Variants in BTAF1 observed in about 807,000 individuals in gnomAD.
BTAF1 encodes the protein B-TFIID TATA-box binding protein associated factor 1.
A neutral mutation model predicts 227.1 loss-of-function variants in BTAF1; 38 were observed. The observed-to-expected ratio is 0.17, with a 90% CI of 0.13 to 0.22. BTAF1 has a LOEUF of 0.22. Ranked by LOEUF, BTAF1 falls within the 10% of genes least tolerant of loss-of-function variation. The pLI is 1.00. For missense variants in BTAF1, 1,598 were observed against 2,204.0 expected (o/e 0.73, Z 5.51); for synonymous variants, 742 against 751.9 (o/e 0.99, Z 0.21).
intron 3 of BTAF1, among the ~76,000 whole-genome samples, chr10:91,940,448 TTA>T (rs1024343386): frequency 2.6e-5 from 4 of 152,054 alleles, no homozygotes; most frequent in Non-Finnish European, 4.4e-5. Flanking sequence ...TTAAGCACAA[TTA>T]TATATGGATA....
intron 14 of BTAF1, among the ~76,000 whole-genome samples, chr10:91,971,568 G>A (rs1405004673): frequency 6.6e-6 from 1 of 150,558 alleles, no homozygotes; most frequent in Non-Finnish European, 1.5e-5. Context: ...TGCCTCCCGG[G>A]TTCAAACGAT....
At chr10:92,003,878 G>A (rs566787277) in intron 25 of BTAF1, among the ~76,000 whole-genome samples, 1 of 152,110 alleles carries the variant, frequency 6.6e-6, no homozygotes, top group South Asian at 2.1e-4. Flanking sequence ...AATACGCAAG[G>A]GTTCCTGTTT....
chr10:91,942,321 T>TGTGTGTGTGTGTGTGTGTGTGTAA, intron 3 of BTAF1, 101 bp from the exon 4 acceptor site: 1 of 803,918 alleles, frequency 1.2e-6, no homozygotes, highest in East Asian at 2.7e-5. Context: ...TGTGTGTGTG[T>TGTGTGTGTGTGTGTGTGTGTGTAA]GTGTGTGTGT....
chr10:91,979,660 A>G (rs1847940150), intron 14 of BTAF1, among the ~76,000 whole-genome samples: 1 of 152,172 alleles, frequency 6.6e-6, no homozygotes, highest in Admixed American at 6.6e-5. Context: ...TCTGATGGAC[A>G]TTTCTATCCA....
At chr10:91,974,716 G>T (rs536173784) in intron 14 of BTAF1, among the ~76,000 whole-genome samples, 1 of 152,106 alleles carries the variant, frequency 6.6e-6, no homozygotes, top group Non-Finnish European at 1.5e-5. Context: ...GCCAGGAGTC[G>T]TGGTGGGTGC....
intron 9 of BTAF1, chr10:91,959,407 A>G: frequency 1.7e-6 from 1 of 597,400 alleles, no homozygotes. Flanking sequence ...TAGATATATG[A>G]CCGGTGTGCT....
At chr10:92,013,627 T>C (rs755339896) in intron 30 of BTAF1, 40 bp from the exon 31 acceptor site, 7 of 1,613,042 alleles carry the variant, frequency 4.3e-6, no homozygotes, top group Non-Finnish European at 4.2e-6. Context: ...TGTAAGGAAA[T>C]AATCCCAGTA....
chr10:91,942,604 G>GT, intron 4 of BTAF1, 36 bp downstream of exon 4: 1 of 1,606,046 alleles, frequency 6.2e-7, no homozygotes, highest in Non-Finnish European at 8.5e-7. Context: ...TCTAAAATTT[G>GT]TTTTTTCAGA....
intron 2 of BTAF1, 92 bp downstream of exon 2, chr10:91,935,872 T>G: frequency 8.4e-7 from 1 of 1,192,442 alleles, no homozygotes; most frequent in Non-Finnish European, 1.1e-6. Flanking sequence ...ATCATCTTAA[T>G]TTTTAAACAT....
intron 37 of BTAF1, among the ~76,000 whole-genome samples, chr10:92,027,625 T>G (rs753892379): frequency 1.3e-4 from 20 of 152,170 alleles, no homozygotes; most frequent in Non-Finnish European, 2.5e-4. Flanking sequence ...CTGGTTACCT[T>G]AGGCAGATTA....
At chr10:91,963,344 G>A (rs1008439502) in intron 12 of BTAF1, among the ~76,000 whole-genome samples, 5 of 152,018 alleles carry the variant, frequency 3.3e-5, no homozygotes, top group South Asian at 2.1e-4. Flanking sequence ...GCGTGAACCC[G>A]GGAGGCAGAG....
chr10:91,969,390 T>C (rs986913148), intron 14 of BTAF1, among the ~76,000 whole-genome samples: 8 of 152,220 alleles, frequency 5.3e-5, no homozygotes, highest in African/African-American at 1.9e-4. Flanking sequence ...ATCATCATTT[T>C]AAAGTATATT....
intron 20 of BTAF1, among the ~76,000 whole-genome samples, chr10:91,991,265 AATATAAATATATAT>A (rs1284100275): frequency 2.2e-5 from 2 of 90,090 alleles, no homozygotes; most frequent in Admixed American, 1.5e-4. Flanking sequence ...TATAAATATA[AATATAAATATATAT>A]ATATATATAT....
chr10:91,948,882 A>G (rs1255426640), intron 4 of BTAF1, among the ~76,000 whole-genome samples: 1 of 152,084 alleles, frequency 6.6e-6, no homozygotes, highest in Non-Finnish European at 1.5e-5. Flanking sequence ...GACGGTTGGG[A>G]TTACAGATGT....
Position 92,018,088 on chromosome 10 carries a change from G to A in BTAF1, c.4711-695G>A, listed in dbSNP as rs1011372053. On this transcript the variant is annotated intron_variant, in intron 33 of 37. Coordinates refer to ENST00000265990, the MANE Select transcript of BTAF1 (RefSeq NM_003972.3). ...AATTTCAGGTTTATAAGGTCCTCAAGAATTTTTTTTTTAAAGACTGAGTCT... is the reference window on the plus strand; with the variant it reads ...AATTTCAGGTTTATAAGGTCCTCAAAAATTTTTTTTTTAAAGACTGAGTCT... Among the ~76,000 whole-genome samples, 3 of 151,932 alleles carry A rather than the reference G, an allele frequency of 2.0e-5. No individual in the cohort carries two copies. The East Asian group carries it at 5.8e-4, about 29-fold the overall frequency.
rs181582648 is a variant in BTAF1, at chr10:91,927,184, G to A, written c.14+3094G>A. Among the ~76,000 whole-genome samples, 55 of 150,176 alleles carry A rather than the reference G, an allele frequency of 3.7e-4. 1 individual carries two copies. The East Asian group carries it at 8.6e-3, about 24-fold the overall frequency. The stretch of plus-strand genomic sequence containing the variant: ...ACAGAGTTTTGCTCTTGTTGCCCAC[G>A]CTGGAGTGCAATGGTGCGTTCTTGA... On this transcript the variant is annotated intron_variant, in intron 1 of 37. Transcript: ENST00000265990.
At chr10:91,969,264 C>G (rs895332845) in intron 14 of BTAF1, among the ~76,000 whole-genome samples, 1 of 151,220 alleles carries the variant, frequency 6.6e-6, no homozygotes, top group African/African-American at 2.4e-5. Context: ...TTAGTAATAC[C>G]AACTTTACAT....
chr10:91,999,755 A>G (rs908657085), intron 25 of BTAF1, among the ~76,000 whole-genome samples: 2 of 152,240 alleles, frequency 1.3e-5, no homozygotes, highest in African/African-American at 4.8e-5. Context: ...CATGGATAGT[A>G]GATATGTAAA....
chr10:91,981,907 G>A (rs1848089062), intron 16 of BTAF1, 115 bp downstream of exon 16: 5 of 1,373,830 alleles, frequency 3.6e-6, no homozygotes, highest in Non-Finnish European at 4.8e-6. Flanking sequence ...CATAAGTAAG[G>A]AGAAACCGTT....
Sources: gnomAD v4.1 joint callset for allele counts (sites outside exome capture counted in the v4.1 genomes callset) on GRCh38, gnomAD v4.1.1 for gene constraint, MANE v1.5 for transcripts, NCBI Gene and HGNC (gene_info 2026-07-23, HGNC 2026-07-21) for gene names.